The following RASSF2 variants were observed in gnomAD, a reference collection of about 807,000 sequenced individuals.
RASSF2 encodes the protein Ras association domain family member 2.
Under a neutral mutation model 46.3 loss-of-function variants are expected in RASSF2, and 34 were observed. That is an observed-to-expected ratio of 0.73 (90% CI 0.56 to 0.98). The LOEUF (loss-of-function observed/expected upper bound fraction) is 0.98, where lower values mean the gene tolerates loss of function less well. RASSF2 is among the 50% of genes least tolerant of loss of function. The probability of loss-of-function intolerance (pLI) is 0.00; values close to 1 mark genes in which losing one functional copy is unlikely to be tolerated. For missense variants in RASSF2, 364 were observed against 431.2 expected (o/e 0.84, Z 1.38); for synonymous variants, 158 against 162.5 (o/e 0.97, Z 0.21).
At chr20:4,820,802 A>G (rs1193725277) in intron 2 of RASSF2, among the ~76,000 whole-genome samples, 2 of 152,050 alleles carry the variant, frequency 1.3e-5, no homozygotes, top group Non-Finnish European at 2.9e-5. Context: ...GAGTCCTGGG[A>G]CTACTCTTGG....
At chr20:4,798,149 C>T (rs1180295121) in intron 3 of RASSF2, 64 bp from the exon 4 acceptor site, 9 of 1,591,962 alleles carry the variant, frequency 5.7e-6, no homozygotes, top group African/African-American at 2.7e-5. Flanking sequence ...TGCAGTTGTT[C>T]CCTCTTTCTC....
chr20:4,782,996 A>G lies in RASSF2; in HGVS notation c.*1277T>C, dbSNP rs937751967. ...CAGACTGTTCTTGCCCTTTTCTCCC[A>G]TTGGGGTTGGATTTAAAGATCACAT... On this transcript the variant is annotated 3_prime_UTR_variant, in exon 12 of 12. Coordinates refer to ENST00000379400, the MANE Select transcript of RASSF2 (RefSeq NM_014737.3). 1 of 152,244 alleles carries G rather than the reference A, an allele frequency of 6.6e-6. No individual in the cohort carries two copies. Among genetic ancestry groups the G allele is most frequent in the African/African-American group, 2.4e-5 (1 of 41,460 alleles). The allele number at this position is 152,244 out of a possible 1,614,324, so 9.4% of individuals were successfully genotyped here. A position where few individuals can be genotyped will look rare whatever the true frequency, so the allele number is the denominator to read the frequency against.
intron 2 of RASSF2, among the ~76,000 whole-genome samples, chr20:4,818,266 C>T (rs1315368239): frequency 1.4e-5 from 2 of 141,468 alleles, no homozygotes; most frequent in African/African-American, 2.6e-5. Flanking sequence ...GACTCCAACT[C>T]AAAAAAAAAA....
At chr20:4,815,927 C>A (rs1186970933) in intron 2 of RASSF2, among the ~76,000 whole-genome samples, 3 of 152,222 alleles carry the variant, frequency 2.0e-5, no homozygotes, top group Non-Finnish European at 2.9e-5. Context: ...TGAGATGGAA[C>A]CTCCAGGGGC....
At chr20:4,787,891 T>A in intron 9 of RASSF2, 137 bp from the exon 10 acceptor site, 1 of 1,146,434 alleles carries the variant, frequency 8.7e-7, no homozygotes, top group Non-Finnish European at 1.2e-6. Context: ...AACTATTCCA[T>A]AGGTGTTGTG....
At chr20:4,799,054 G>T (rs6037971) in intron 3 of RASSF2, among the ~76,000 whole-genome samples, 23,823 of 151,962 alleles carry the variant, frequency 0.16, 3,067 homozygotes, top group African/African-American at 0.35. Flanking sequence ...TCCATTGACA[G>T]AAAGTTCAAA....
intron 2 of RASSF2, among the ~76,000 whole-genome samples, chr20:4,814,562 C>T (rs1260109320): frequency 6.6e-6 from 1 of 152,202 alleles, no homozygotes; most frequent in East Asian, 1.9e-4. Flanking sequence ...CTCCTCCACC[C>T]CCAGACCCCG....
At chr20:4,792,388 G>C (rs934761310) in intron 6 of RASSF2, 151 bp downstream of exon 6, 1 of 1,475,528 alleles carries the variant, frequency 6.8e-7, no homozygotes, top group African/African-American at 1.4e-5. Context: ...TTCTAGGTGG[G>C]TGGATGAGGT....
rs1377114208 is a variant in RASSF2 at position 4,789,614 on chromosome 20, C to A, written c.621G>T (p.Leu207=). The change falls in exon 8 of 12, where the codon CTG becomes CTT. Residue 207 remains leucine, a synonymous_variant. Coordinates refer to ENST00000379400, the MANE Select transcript of RASSF2 (RefSeq NM_014737.3). The part of the protein sequence containing the change: ...STMTTPQVLK[L]LLNKFKIENS... Reference sequence around the variant, plus strand: ...AACTTGCCTTAAATTTGTTGAGCAGCAGCTTCAGGACCTGTGGGGTGGTCA... The same window carrying A: ...AACTTGCCTTAAATTTGTTGAGCAGAAGCTTCAGGACCTGTGGGGTGGTCA... The A allele has an allele frequency of 6.2e-7, 1 of 1,614,178 alleles. No homozygotes were observed. The highest frequency in any genetic ancestry group is 1.3e-5 in the African/African-American group (1 of 75,058).
chr20:4,797,472 G>T (rs956466647), intron 4 of RASSF2, among the ~76,000 whole-genome samples: 1 of 152,210 alleles, frequency 6.6e-6, no homozygotes, highest in African/African-American at 2.4e-5. Flanking sequence ...AGGCTTTAGA[G>T]AAATGGATAC....
At position 4,789,686 on chromosome 20, in the gene RASSF2, G is replaced by T; in HGVS notation, c.549C>A (p.Phe183Leu). Residue 183 changes from phenylalanine (F) to leucine (L), a missense_variant, in exon 8 of 12, where the codon TTC becomes TTA. Coordinates refer to ENST00000379400, the MANE Select transcript of RASSF2 (RefSeq NM_014737.3). Reference protein sequence around the residue: ...GHFYNHKTSVFTPAYGSVTNV... With the variant: ...GHFYNHKTSVLTPAYGSVTNV... ...TGGTGACAGAGCCATAGGCTGGTGTGAACACGGATGTCTGTCAATAGAAGG... is the reference window on the plus strand; with the variant it reads ...TGGTGACAGAGCCATAGGCTGGTGTTAACACGGATGTCTGTCAATAGAAGG... 1 of 1,614,036 alleles carries T rather than the reference G, an allele frequency of 6.2e-7. No homozygotes were observed. Among genetic ancestry groups the T allele is most frequent in the South Asian group, 1.1e-5 (1 of 91,070 alleles).
In RASSF2 at chr20:4,783,383, A is replaced by T. The variant is rs1925006203; in HGVS notation, c.*890T>A. ...ACTAGCTGGTCAGCACTGTGTACGC[A>T]CCAGCGAGATCTTTGTTTCTTGAGA... On this transcript the variant is annotated 3_prime_UTR_variant, in exon 12 of 12. Transcript: ENST00000379400. 1 of 152,264 alleles carries T rather than the reference A, an allele frequency of 6.6e-6. No homozygotes were observed. Among genetic ancestry groups the T allele is most frequent in the Non-Finnish European group, 1.5e-5 (1 of 68,058 alleles). The allele number at this position is 152,264 out of a possible 1,614,324, so 9.4% of individuals were successfully genotyped here. A position where few individuals can be genotyped will look rare whatever the true frequency, so the allele number is the denominator to read the frequency against.
At chr20:4,784,865 G>T (rs766994548) in intron 11 of RASSF2, among the ~76,000 whole-genome samples, 1 of 152,194 alleles carries the variant, frequency 6.6e-6, no homozygotes, top group African/African-American at 2.4e-5. Context: ...AGGCGTGGAG[G>T]TCCGTGGCTT....
Position 4,814,131 on chromosome 20 carries a change from A to T in RASSF2, c.-33+8198T>A, listed in dbSNP as rs79550488. Among the ~76,000 whole-genome samples, 351 of 152,258 alleles carry T rather than the reference A, an allele frequency of 2.3e-3. 1 individual carries two copies. The highest frequency in any genetic ancestry group is 7.9e-3 in the African/African-American group (328 of 41,544). ...TTAATGTCCTACCTGGGGAAGAGCA[A>T]GGTAAGCTTTCCTCCTGTCCAATAA... On this transcript the variant is annotated intron_variant, in intron 2 of 11. Transcript: ENST00000379400.
At chr20:4,807,172 G>A (rs1217716003) in intron 2 of RASSF2, among the ~76,000 whole-genome samples, 2 of 152,152 alleles carry the variant, frequency 1.3e-5, no homozygotes, top group African/African-American at 4.8e-5. Context: ...AATATCACTA[G>A]AGAATTCGCT....
At chr20:4,811,407 A>C (rs1927797629) in intron 2 of RASSF2, among the ~76,000 whole-genome samples, 1 of 152,074 alleles carries the variant, frequency 6.6e-6, no homozygotes, top group Non-Finnish European at 1.5e-5. Flanking sequence ...GATCAATTAC[A>C]TCAGACTCTA....
chr20:4,789,585 A>G lies in RASSF2; in HGVS notation c.639+11T>C. 6.2e-7 allele frequency: 1 copy of G among 1,612,374 alleles called. No individual in the cohort carries two copies. ...GACCCCATCTGTGGCCACTCAGCAA[A>G]GGGAACTTGCCTTAAATTTGTTGAG... On this transcript the variant is annotated intron_variant, in intron 8 of 11. Coordinates refer to ENST00000379400, the MANE Select transcript of RASSF2 (RefSeq NM_014737.3).
chr20:4,816,472 G>A (rs574548939), intron 2 of RASSF2, among the ~76,000 whole-genome samples: 1 of 152,064 alleles, frequency 6.6e-6, no homozygotes, highest in East Asian at 1.9e-4. Flanking sequence ...GGAGTGAGGG[G>A]GTTATTGTTT....
At chr20:4,799,593 A>C (rs2122546720) in intron 3 of RASSF2, among the ~76,000 whole-genome samples, 1 of 152,350 alleles carries the variant, frequency 6.6e-6, no homozygotes, top group Non-Finnish European at 1.5e-5. Flanking sequence ...AAGCTGAAAT[A>C]AATTTGTGGA....
Sources: allele counts gnomAD v4.1 joint callset (sites outside exome capture counted in the v4.1 genomes callset), GRCh38; gene constraint gnomAD v4.1.1; transcripts MANE v1.5; gene names NCBI Gene and HGNC (gene_info 2026-07-23, HGNC 2026-07-21).